RAPGEF2: variants seen among roughly 807,000 people sequenced by gnomAD.
RAPGEF2 encodes Rap guanine nucleotide exchange factor 2.
In RAPGEF2, 54 loss-of-function variants were observed where a neutral mutation model predicts 186.7. The observed-to-expected ratio is 0.29, with a 90% CI of 0.23 to 0.36. RAPGEF2 has a LOEUF of 0.36. RAPGEF2 is among the 10% of genes least tolerant of loss of function. The pLI, the probability that RAPGEF2 is intolerant of heterozygous loss-of-function variation, is 1.00. For missense variants in RAPGEF2, 1,532 were observed against 2,045.0 expected, an observed-to-expected ratio of 0.75 and a Z score of 4.84; for synonymous variants, 712 against 705.9, an observed-to-expected ratio of 1.01 and a Z score of -0.14.
intron 9 of RAPGEF2, among the ~76,000 whole-genome samples, chr4:159,315,418 A>G (rs1764453586): frequency 6.6e-6 from 1 of 152,068 alleles, no homozygotes; most frequent in South Asian, 2.1e-4. Flanking sequence ...TTTTAAGCCT[A>G]GTACCCTGTA....
intron 6 of RAPGEF2, among the ~76,000 whole-genome samples, chr4:159,243,113 G>T (rs912287191): frequency 2.8e-5 from 4 of 144,656 alleles, no homozygotes; most frequent in Non-Finnish European, 4.6e-5. Flanking sequence ...ATTGTTACAA[G>T]TTTTTTTTTT....
intron 10 of RAPGEF2, among the ~76,000 whole-genome samples, chr4:159,323,187 A>AT (rs1217195127): frequency 6.6e-6 from 1 of 152,144 alleles, no homozygotes; most frequent in African/African-American, 2.4e-5. Context: ...GGACAGAGAA[A>AT]TTTTTTTCCT....
chr4:159,293,230 A>C (rs1375403969), intron 7 of RAPGEF2, among the ~76,000 whole-genome samples: 1 of 152,212 alleles, frequency 6.6e-6, no homozygotes, highest in Non-Finnish European at 1.5e-5. Flanking sequence ...TCTTAATATC[A>C]CATCTTAGGT....
At chr4:159,316,231 G>A (rs1283720823) in intron 9 of RAPGEF2, among the ~76,000 whole-genome samples, 3 of 152,036 alleles carry the variant, frequency 2.0e-5, no homozygotes, top group African/African-American at 7.2e-5. Flanking sequence ...TTTTTCCTAG[G>A]TTATGATTAT....
At chr4:159,291,622 T>G (rs1022135991) in intron 7 of RAPGEF2, among the ~76,000 whole-genome samples, 3 of 152,212 alleles carry the variant, frequency 2.0e-5, no homozygotes, top group Non-Finnish European at 4.4e-5. Context: ...AAATACTTAC[T>G]GTACCTTAGG....
chr4:159,247,096 A>G (rs1476658888), intron 7 of RAPGEF2, among the ~76,000 whole-genome samples: 1 of 152,202 alleles, frequency 6.6e-6, no homozygotes, highest in Non-Finnish European at 1.5e-5. Flanking sequence ...TGTCTTCAAT[A>G]TTACTATCAG....
intron 4 of RAPGEF2, among the ~76,000 whole-genome samples, chr4:159,216,246 A>G (rs1457687391): frequency 6.6e-6 from 1 of 152,150 alleles, no homozygotes; most frequent in African/African-American, 2.4e-5. Context: ...GCTTGGGGCG[A>G]TGAGGCGGTT....
rs1323512475 is a variant in RAPGEF2, at chr4:159,355,535, T to TAACC, written c.4652-318_4652-317insAACC. Among the ~76,000 whole-genome samples the TAACC allele has an allele frequency of 4.4e-3, 672 of 152,236 alleles. 10 individuals are homozygous for TAACC. The highest frequency in any genetic ancestry group is 0.015 in the African/African-American group (637 of 41,546). On this transcript the variant is annotated intron_variant, in intron 28 of 29. Coordinates refer to ENST00000691494, the MANE Select transcript of RAPGEF2 (RefSeq NM_001394067.2). ...TCAGTCTTTCCAATAAATCCAGGGG[T>TAACC]TAGGTTTTAATCTTACTATTTTATA...
At chr4:159,247,172 T>C (rs1350980392) in intron 7 of RAPGEF2, among the ~76,000 whole-genome samples, 1 of 152,196 alleles carries the variant, frequency 6.6e-6, no homozygotes, top group Non-Finnish European at 1.5e-5. Context: ...TCTTGTATCA[T>C]AGAAAAGCTC....
At chr4:159,245,101 AT>A (rs1171877240) in intron 7 of RAPGEF2, among the ~76,000 whole-genome samples, 5 of 151,968 alleles carry the variant, frequency 3.3e-5, no homozygotes, top group Non-Finnish European at 7.4e-5. Context: ...TTGGAATTGA[AT>A]TTAAAATGCG....
chr4:159,218,574 G>T (rs1317297552), intron 4 of RAPGEF2, among the ~76,000 whole-genome samples: 1 of 152,100 alleles, frequency 6.6e-6, no homozygotes, highest in African/African-American at 2.4e-5. Context: ...TGGCCAACAT[G>T]GTGAAACCCC....
At chr4:159,179,113 CTT>C (rs778675972) in intron 1 of RAPGEF2, among the ~76,000 whole-genome samples, 29 of 152,104 alleles carry the variant, frequency 1.9e-4, no homozygotes, top group Non-Finnish European at 3.1e-4. Context: ...AAACGAAAGA[CTT>C]ATTGTTCTAA....
chr4:159,281,654 A>G (rs1759723960), intron 7 of RAPGEF2, among the ~76,000 whole-genome samples: 1 of 146,378 alleles, frequency 6.8e-6, no homozygotes, highest in African/African-American at 2.6e-5. Flanking sequence ...CTGGGCAACA[A>G]GAGTGCAACT....
At chr4:159,128,446 A>G (rs1740623743) in intron 1 of RAPGEF2, among the ~76,000 whole-genome samples, 1 of 152,200 alleles carries the variant, frequency 6.6e-6, no homozygotes, top group Non-Finnish European at 1.5e-5. Context: ...GTAAAGTATT[A>G]CTATTGCTGA....
rs764428050 is a variant in RAPGEF2, at chr4:159,353,492, A to T, written c.4097A>T (p.Tyr1366Phe). Reference sequence around the variant, plus strand: ...CATTTCTTTTAACCACTTAGGTCCTATGCACCAATGTCCGAGGGCCGAGGC... The same window carrying T: ...CATTTCTTTTAACCACTTAGGTCCTTTGCACCAATGTCCGAGGGCCGAGGC... ...IEPDQYSLGS[Y>F]APMSEGRGLY... The change falls in exon 28 of 30, where the codon TAT becomes TTT. Residue 1366 changes from tyrosine (Y) to phenylalanine (F), a missense_variant. Physicochemically the swap from Tyr to Phe is conservative, Grantham distance 22. Coordinates refer to ENST00000691494, the MANE Select transcript of RAPGEF2 (RefSeq NM_001394067.2). This position sits in a 1 kb window ranked among gnomAD's most constrained non-coding sequence, Gnocchi z 4.3. 2.7e-6 allele frequency: 4 copies of T among 1,476,932 alleles called. No homozygotes were observed. The highest frequency in any genetic ancestry group is 3.6e-6 in the Non-Finnish European group (4 of 1,114,790). 91.5% of individuals were successfully genotyped at this position (1,476,932 alleles called of 1,614,324 possible).
intron 16 of RAPGEF2, 50 bp from the exon 17 acceptor site, chr4:159,332,401 G>C (rs904237838): frequency 6.4e-7 from 1 of 1,559,598 alleles, no homozygotes; most frequent in East Asian, 2.2e-5. Context: ...GAATTGTTCA[G>C]ATATCTTATA....
intron 3 of RAPGEF2, among the ~76,000 whole-genome samples, chr4:159,206,671 T>C (rs2111359286): frequency 6.6e-6 from 1 of 152,342 alleles, no homozygotes; most frequent in East Asian, 1.9e-4. Flanking sequence ...ACACGGAAAC[T>C]CTGCCTGCCT....
intron 1 of RAPGEF2, among the ~76,000 whole-genome samples, chr4:159,104,538 G>GAC (rs1434823175): frequency 7.0e-4 from 76 of 109,258 alleles, no homozygotes; most frequent in Non-Finnish European, 9.9e-4. Flanking sequence ...GAGAGACAGA[G>GAC]AGAGAGAGAG....
At chr4:159,275,058 T>A (rs1758663634) in intron 7 of RAPGEF2, among the ~76,000 whole-genome samples, 1 of 68,172 alleles carries the variant, frequency 1.5e-5, no homozygotes, top group Admixed American at 1.5e-4. Context: ...GTCTCTCGTG[T>A]GTGTGTGTGT....
Sources: allele counts gnomAD v4.1 joint callset (sites outside exome capture counted in the v4.1 genomes callset), GRCh38; gene constraint gnomAD v4.1.1; non-coding constraint Gnocchi (gnomAD v3.1); transcripts MANE v1.5; gene names NCBI Gene and HGNC (gene_info 2026-07-23, HGNC 2026-07-21).